Variants in LRP1B observed in about 807,000 individuals in gnomAD.
LRP1B encodes the protein LDL receptor related protein 1B.
Under a neutral mutation model 556.6 loss-of-function variants are expected in LRP1B, and 217 were observed. The observed-to-expected ratio is 0.39, with a 90% CI of 0.35 to 0.44. LRP1B has a LOEUF of 0.44. Among genes scored for constraint, LRP1B ranks in the 20% least tolerant of loss-of-function variants. LRP1B has a pLI of 1.00. For synonymous variants in LRP1B, 2,047 were observed against 1,865.8 expected (o/e 1.10, Z -2.50); for missense variants, 5,053 against 5,620.8 (o/e 0.90, Z 3.23).
chr2:141,522,568 T>C (rs981820718), intron 2 of LRP1B, among the ~76,000 whole-genome samples: 5 of 152,160 alleles, frequency 3.3e-5, no homozygotes, highest in Admixed American at 2.0e-4. Context: ...TTAGAGAAAC[T>C]GCTGACATTC....
At chr2:140,361,111 C>A (rs990344267) in intron 72 of LRP1B, among the ~76,000 whole-genome samples, 1 of 150,812 alleles carries the variant, frequency 6.6e-6, no homozygotes, top group African/African-American at 2.4e-5. Context: ...TTGGATACTG[C>A]TCTAAGTACT....
intron 1 of LRP1B, among the ~76,000 whole-genome samples, chr2:142,036,269 A>T (rs1244503199): frequency 6.6e-6 from 1 of 151,694 alleles, no homozygotes; most frequent in Non-Finnish European, 1.5e-5. Context: ...GGCATTTCAT[A>T]GCCATTTTAA....
chr2:141,826,592 C>T (rs1696937219), intron 1 of LRP1B, among the ~76,000 whole-genome samples: 1 of 152,080 alleles, frequency 6.6e-6, no homozygotes, highest in African/African-American at 2.4e-5. Flanking sequence ...ATCTCCTGAC[C>T]TCGTGATCCG....
At chr2:140,979,185 G>A (rs750166055) in intron 18 of LRP1B, among the ~76,000 whole-genome samples, 1 of 151,928 alleles carries the variant, frequency 6.6e-6, no homozygotes, top group Non-Finnish European at 1.5e-5. Flanking sequence ...TACCATGTTA[G>A]CCAGGCTAGT....
In LRP1B at chr2:140,501,835, C is replaced by T. The variant is rs1270605168; in HGVS notation, c.8702G>A (p.Gly2901Asp). 10 of 1,608,268 alleles carry T rather than the reference C, an allele frequency of 6.2e-6. No individual in the cohort carries two copies. The highest frequency in any genetic ancestry group is 3.4e-5 in the Admixed American group (2 of 59,402). The change falls in exon 55 of 91, where the codon GGC (glycine) becomes GAC (aspartate). Residue 2901 changes from glycine (G) to aspartate (D), a missense_variant. Physicochemically the swap from Gly to Asp is moderately conservative, Grantham distance 94. This residue lies in a region of LRP1B where 3,619 missense variants were observed against 3,931.9 expected (regional missense o/e 0.92). Transcript: ENST00000389484. The part of the protein sequence containing the change: ...CNSSFFMCKN[G>D]RCIPSGGLCD... ...AAGACCTCCACTGGGAATGCACCTG[C>T]CATTTTTGCACATAAAAAATGAACT...
At chr2:140,369,888 T>A (rs1208502600) in intron 71 of LRP1B, among the ~76,000 whole-genome samples, 1 of 151,956 alleles carries the variant, frequency 6.6e-6, no homozygotes, top group Non-Finnish European at 1.5e-5. Context: ...TCTAGCACCA[T>A]CTCTATGGAT....
At chr2:140,579,944 AAT>A (rs1297693836) in intron 43 of LRP1B, among the ~76,000 whole-genome samples, 8 of 152,354 alleles carry the variant, frequency 5.3e-5, no homozygotes, top group Admixed American at 2.6e-4. Flanking sequence ...GGAAGAAGGA[AAT>A]AGGATGGCTG....
At chr2:141,869,930 G>T (rs1456621941) in intron 1 of LRP1B, among the ~76,000 whole-genome samples, 2 of 152,016 alleles carry the variant, frequency 1.3e-5, no homozygotes, top group Non-Finnish European at 2.9e-5. Context: ...ATGAAAAAAT[G>T]AGGAAGAGAA....
chr2:141,894,133 A>T (rs1699367601), intron 1 of LRP1B, among the ~76,000 whole-genome samples: 1 of 152,136 alleles, frequency 6.6e-6, no homozygotes, highest in Admixed American at 6.6e-5. Context: ...GTTGGCTGTA[A>T]CTCAGAAATA....
intron 2 of LRP1B, among the ~76,000 whole-genome samples, chr2:141,729,519 A>G (rs1477436754): frequency 6.6e-6 from 1 of 152,150 alleles, no homozygotes; most frequent in Non-Finnish European, 1.5e-5. Flanking sequence ...TAGACTGTAC[A>G]TTAGTGGAAG....
At chr2:141,891,856 T>TAA (rs1215211379) in intron 1 of LRP1B, among the ~76,000 whole-genome samples, 1 of 152,142 alleles carries the variant, frequency 6.6e-6, no homozygotes, top group Admixed American at 6.5e-5. Context: ...TTTCACCTCA[T>TAA]AATACTTTAA....
intron 2 of LRP1B, among the ~76,000 whole-genome samples, chr2:141,529,617 C>G (rs1684803903): frequency 6.6e-6 from 1 of 152,110 alleles, no homozygotes; most frequent in Non-Finnish European, 1.5e-5. Flanking sequence ...ATCTGACTTT[C>G]TCAATACTTG....
intron 7 of LRP1B, among the ~76,000 whole-genome samples, chr2:141,173,769 T>C (rs1680610511): frequency 6.6e-6 from 1 of 152,032 alleles, no homozygotes; most frequent in African/African-American, 2.4e-5. Context: ...TGTGGCTCTC[T>C]GATGATGTCA....
chr2:141,958,000 G>A (rs932682602), intron 1 of LRP1B, among the ~76,000 whole-genome samples: 2 of 152,008 alleles, frequency 1.3e-5, no homozygotes, highest in African/African-American at 4.8e-5. Flanking sequence ...AGTATTCTCT[G>A]TGAGTGTTGT....
At chr2:141,334,417 C>T (rs1465314999) in intron 3 of LRP1B, among the ~76,000 whole-genome samples, 1 of 152,276 alleles carries the variant, frequency 6.6e-6, no homozygotes, top group Non-Finnish European at 1.5e-5. Flanking sequence ...TGAGCTAAAG[C>T]TCCCTGCGGC....
chr2:142,024,155 C>T (rs1429605136), intron 1 of LRP1B, among the ~76,000 whole-genome samples: 1 of 152,194 alleles, frequency 6.6e-6, no homozygotes, highest in African/African-American at 2.4e-5. Flanking sequence ...GTATGAAGAG[C>T]TTGGGTCTCA....
chr2:141,211,408 T>A (rs1349035495), intron 6 of LRP1B, among the ~76,000 whole-genome samples: 5 of 150,044 alleles, frequency 3.3e-5, no homozygotes, highest in Non-Finnish European at 7.4e-5. Context: ...GATCACGAGG[T>A]CAGGAGTTTG....
chr2:141,388,532 T>A (rs968532245), intron 3 of LRP1B, among the ~76,000 whole-genome samples: 2 of 152,124 alleles, frequency 1.3e-5, no homozygotes, highest in Non-Finnish European at 2.9e-5. Context: ...ACATTTTTTT[T>A]AAACCCACAG....
intron 20 of LRP1B, among the ~76,000 whole-genome samples, chr2:140,944,241 G>C (rs1336837290): frequency 6.6e-6 from 1 of 152,024 alleles, no homozygotes; most frequent in Non-Finnish European, 1.5e-5. Flanking sequence ...ACCTTGAACA[G>C]ACCAGTAACC....
Sources: gnomAD v4.1 joint callset for allele counts (sites outside exome capture counted in the v4.1 genomes callset) on GRCh38, gnomAD v4.1.1 for gene constraint, gnomAD v4.1.1 regional missense constraint, MANE v1.5 for transcripts, NCBI Gene and HGNC (gene_info 2026-07-23, HGNC 2026-07-21) for gene names.